The following BCL7B variants were observed in gnomAD, a reference collection of about 807,000 sequenced individuals.
BCL7B encodes the protein B-cell CLL/lymphoma 7 protein family member B.
In BCL7B, 11 loss-of-function variants were observed where a neutral mutation model predicts 26.5. The observed-to-expected ratio is 0.42, with a 90% confidence interval of 0.26 to 0.69. The LOEUF is 0.69. BCL7B is among the 30% of genes least tolerant of loss of function. BCL7B has a pLI of 0.28. For missense variants in BCL7B, 215 were observed against 264.4 expected (o/e 0.81, Z 1.30); for synonymous variants, 111 against 107.9 (o/e 1.03, Z -0.18).
At chr7:73,555,125 G>A (rs910175988) in intron 1 of BCL7B, among the ~76,000 whole-genome samples, 6 of 152,240 alleles carry the variant, frequency 3.9e-5, no homozygotes, top group Admixed American at 6.5e-5. Context: ...AATACAGGAG[G>A]CCAGGCACAG....
chr7:73,540,090 G>C, intron 3 of BCL7B, 38 bp from the exon 4 acceptor site: 1 of 1,593,886 alleles, frequency 6.3e-7, no homozygotes, highest in Non-Finnish European at 8.5e-7. Context: ...AGCTGAGCGT[G>C]GTCATTTTCC....
chr7:73,554,808 A>AC (rs1792302888), intron 1 of BCL7B, among the ~76,000 whole-genome samples: 1 of 152,054 alleles, frequency 6.6e-6, no homozygotes, highest in African/African-American at 2.4e-5. Context: ...AAAAAAAAAA[A>AC]AAAAAACAGA....
rs781886936 is a variant in BCL7B at position 73,557,484 on chromosome 7, C to T, written c.92+3G>A. The stretch of plus-strand genomic sequence containing the variant: ...GCCAGCCCCCTAAGCTCCGGCCCCT[C>T]ACCATTTCCGCACTTTCTCGATGGC... On this transcript the variant is annotated splice_donor_region_variant and intron_variant, in intron 1 of 5. Transcript: ENST00000223368. 3.5e-6 allele frequency: 5 copies of T among 1,424,786 alleles called. No homozygotes were observed. In the South Asian group the frequency reaches 7.3e-5, roughly 21 times the overall value. 88.3% of individuals were successfully genotyped at this position (1,424,786 alleles called of 1,614,324 possible). A position where few individuals can be genotyped will look rare whatever the true frequency, so the allele number is the denominator to read the frequency against.
Position 73,557,567 on chromosome 7 carries a change from C to A in BCL7B, c.12G>T (p.Arg4=), listed in dbSNP as rs1584007469. The A allele has an allele frequency of 7.4e-7, 1 of 1,359,256 alleles. No homozygotes were observed. Among genetic ancestry groups the A allele is most frequent in the Non-Finnish European group, 9.6e-7 (1 of 1,042,852 alleles). The allele number at this position is 1,359,256 out of a possible 1,614,324, so 84.2% of individuals were successfully genotyped here. A position where few individuals can be genotyped will look rare whatever the true frequency, so the allele number is the denominator to read the frequency against. The change falls in exon 1 of 6, where the codon CGG becomes CGT. Residue 4 remains arginine, a synonymous_variant. Coordinates refer to ENST00000223368, the MANE Select transcript of BCL7B (RefSeq NM_001707.4). The stretch of plus-strand genomic sequence containing the variant: ...GGCTGCGGGTCTCCGCCCGGACCGA[C>A]CGGCCCGACATGGCGGCGGCGGGAG... The part of the protein sequence containing the change: MSG[R]SVRAETRSRA...
At chr7:73,557,402 C>A (rs1474335884) in intron 1 of BCL7B, 85 bp downstream of exon 1, 5 of 1,164,312 alleles carry the variant, frequency 4.3e-6, no homozygotes, top group Non-Finnish European at 5.4e-6. Flanking sequence ...GCCGGCCGGT[C>A]GGCTCCCACC....
chr7:73,557,629 G>T lies in BCL7B; in HGVS notation c.-51C>A. ...GGGGCACTGCTCCCAAGACACCGGG[G>T]ATCGCGCGCCTCACGCGCCGCCGCC... is the stretch of plus-strand genomic sequence containing the variant. On this transcript the variant is annotated 5_prime_UTR_variant, in exon 1 of 6. Transcript: ENST00000223368. 9.0e-7 allele frequency: 1 copy of T among 1,107,836 alleles called. No homozygotes were observed. The highest frequency in any genetic ancestry group is 1.1e-6 in the Non-Finnish European group (1 of 888,646). 68.6% of individuals were successfully genotyped at this position (1,107,836 alleles called of 1,614,324 possible).
At chr7:73,543,403 C>A in intron 3 of BCL7B, 145 bp downstream of exon 3, 1 of 707,458 alleles carries the variant, frequency 1.4e-6, no homozygotes, top group Non-Finnish European at 2.5e-6. Flanking sequence ...GTCTTGAACT[C>A]CTGACCTCAG....
At chr7:73,537,539 G>A (rs532478624) in intron 5 of BCL7B, 149 bp from the exon 6 acceptor site, 6 of 634,946 alleles carry the variant, frequency 9.4e-6, no homozygotes, top group East Asian at 5.5e-5. Flanking sequence ...ACTCATTTCC[G>A]GCGCTGCAGA....
Position 73,557,579 on chromosome 7 carries a change from G to GGCGGCGGCGGGA in BCL7B, c.-13_-2dup. On this transcript the variant is annotated 5_prime_UTR_variant, in exon 1 of 6. Coordinates refer to ENST00000223368, the MANE Select transcript of BCL7B (RefSeq NM_001707.4). ...CCGCCCGGACCGACCGGCCCGACAT[G>GGCGGCGGCGGGA]GCGGCGGCGGGAGCGGCGGGGGCCG... 1 of 1,312,906 alleles carries GGCGGCGGCGGGA rather than the reference G, an allele frequency of 7.6e-7. No homozygotes were observed. Among genetic ancestry groups the GGCGGCGGCGGGA allele is most frequent in the South Asian group, 2.1e-5 (1 of 47,916 alleles). 81.3% of individuals were successfully genotyped at this position (1,312,906 alleles called of 1,614,324 possible).
chr7:73,553,811 G>A (rs182004327), intron 1 of BCL7B: 6 of 154,522 alleles, frequency 3.9e-5, no homozygotes, highest in Middle Eastern at 5.2e-4. Context: ...CTACGCTCAC[G>A]AAATAAGCAA....
At chr7:73,543,448 G>A in intron 3 of BCL7B, 100 bp downstream of exon 3, 1 of 1,110,464 alleles carries the variant, frequency 9.0e-7, no homozygotes, top group Non-Finnish European at 1.4e-6. Context: ...AAAGTGCTGA[G>A]GTTACAGGTG....
intron 3 of BCL7B, among the ~76,000 whole-genome samples, chr7:73,543,179 C>CTT (rs367675475): frequency 2.1e-5 from 3 of 142,204 alleles, no homozygotes; most frequent in Non-Finnish European, 1.5e-5. Flanking sequence ...ACACAGAATT[C>CTT]TTTTTTTTTT....
Position 73,537,238 on chromosome 7 carries a change from G to T in BCL7B, c.*60C>A. On this transcript the variant is annotated 3_prime_UTR_variant, in exon 6 of 6. Transcript: ENST00000223368. ...TGCCCTTACCCCAGCAACGCGGCGCGGCCAGAACCAGAATGCAATAAATAG... is the reference window on the plus strand; with the variant it reads ...TGCCCTTACCCCAGCAACGCGGCGCTGCCAGAACCAGAATGCAATAAATAG... 2 of 1,555,446 alleles carry T rather than the reference G, an allele frequency of 1.3e-6. No homozygotes were observed. The highest frequency in any genetic ancestry group is 1.4e-5 in the African/African-American group (1 of 73,946).
intron 1 of BCL7B, chr7:73,557,199 G>A (rs1792394835): frequency 6.7e-6 from 7 of 1,042,550 alleles, no homozygotes; most frequent in African/African-American, 1.7e-5. Flanking sequence ...CGCGGGCACC[G>A]ACGCCAGGCA....
At chr7:73,537,846 G>GCA in intron 5 of BCL7B, 88 bp downstream of exon 5, 1 of 892,626 alleles carries the variant, frequency 1.1e-6, no homozygotes, top group South Asian at 1.9e-5. Flanking sequence ...AGCCAGGATC[G>GCA]CACCACTGCA....
chr7:73,555,425 G>C, intron 1 of BCL7B, among the ~76,000 whole-genome samples: 1 of 138,674 alleles, frequency 7.2e-6, no homozygotes, highest in Non-Finnish European at 1.6e-5. Context: ...TCAAATATAG[G>C]AAATGTCTTA....
intron 1 of BCL7B, among the ~76,000 whole-genome samples, chr7:73,556,497 T>C (rs1554584729): frequency 6.6e-6 from 1 of 152,156 alleles, no homozygotes; most frequent in African/African-American, 2.4e-5. Flanking sequence ...TTTAAATTAT[T>C]AGTAGTAATT....
intron 1 of BCL7B, among the ~76,000 whole-genome samples, chr7:73,556,341 T>C (rs1792359101): frequency 6.6e-6 from 1 of 151,958 alleles, no homozygotes; most frequent in Non-Finnish European, 1.5e-5. Context: ...AACATCTACT[T>C]GAACTTTTAT....
At chr7:73,548,668 C>T (rs1005827182) in intron 2 of BCL7B, among the ~76,000 whole-genome samples, 2 of 151,958 alleles carry the variant, frequency 1.3e-5, no homozygotes, top group African/African-American at 4.8e-5. Flanking sequence ...CAGTGGCTCA[C>T]GCCTGTAATC....
Sources: allele counts gnomAD v4.1 joint callset (sites outside exome capture counted in the v4.1 genomes callset), GRCh38; gene constraint gnomAD v4.1.1; transcripts MANE v1.5; gene names NCBI Gene and HGNC (gene_info 2026-07-23, HGNC 2026-07-21).